Variants in SH3RF2 observed in about 807,000 individuals in gnomAD.
SH3RF2 encodes the protein SH3 domain containing ring finger 2.
SH3RF2 carries 43 observed loss-of-function variants against 59.0 expected under a neutral mutation model. That is an observed-to-expected ratio of 0.73 (90% CI 0.57 to 0.94). The LOEUF (loss-of-function observed/expected upper bound fraction) is 0.94, where lower values mean the gene tolerates loss of function less well. Ranked by LOEUF, SH3RF2 falls within the 40% of genes least tolerant of loss-of-function variation. The probability of loss-of-function intolerance (pLI) is 0.00; values close to 1 mark genes in which losing one functional copy is unlikely to be tolerated. For missense variants in SH3RF2, 930 were observed against 940.1 expected (o/e 0.99, Z 0.14); for synonymous variants, 391 against 391.5 (o/e 1.00, Z 0.01).
chr5:146,018,526 A>T (rs1761192962), intron 5 of SH3RF2, among the ~76,000 whole-genome samples: 1 of 151,802 alleles, frequency 6.6e-6, no homozygotes, highest in South Asian at 2.1e-4. Context: ...ACACACACAC[A>T]CACCACATTT....
intron 2 of SH3RF2, among the ~76,000 whole-genome samples, chr5:145,999,053 G>A (rs1760286402): frequency 6.6e-6 from 1 of 151,872 alleles, no homozygotes; most frequent in Non-Finnish European, 1.5e-5. Flanking sequence ...GATGATCTGA[G>A]CCTTCAGCAA....
Position 146,058,475 on chromosome 5 carries a change from C to G in SH3RF2, c.1556-1391C>G, listed in dbSNP as rs138715110. On this transcript the variant is annotated intron_variant, in intron 8 of 9. Coordinates refer to ENST00000359120, the MANE Select transcript of SH3RF2 (RefSeq NM_152550.4). ...TAGATGGTGACTGTCTTGCTTGCAG[C>G]AGCTGAGGACACCGACTGTGTTTAG... 1.4e-3 allele frequency among the ~76,000 whole-genome samples: 215 copies of G among 151,534 alleles called. 1 individual carries two copies. Among genetic ancestry groups the G allele is most frequent in the African/African-American group, 4.8e-3 (200 of 41,244 alleles).
intron 5 of SH3RF2, among the ~76,000 whole-genome samples, chr5:146,031,294 A>G (rs529715395): frequency 4.3e-4 from 66 of 152,306 alleles, no homozygotes; most frequent in Non-Finnish European, 7.6e-4. Flanking sequence ...TGCTCCCTCC[A>G]GGGTTAAGCC....
At chr5:145,985,225 T>C (rs1759655601) in intron 2 of SH3RF2, among the ~76,000 whole-genome samples, 1 of 152,230 alleles carries the variant, frequency 6.6e-6, no homozygotes, top group Non-Finnish European at 1.5e-5. Context: ...TCCCAGGGCT[T>C]GTGGTCTCCA....
At chr5:146,007,322 G>A (rs1318592393) in intron 4 of SH3RF2, among the ~76,000 whole-genome samples, 2 of 152,210 alleles carry the variant, frequency 1.3e-5, no homozygotes, top group African/African-American at 4.8e-5. Context: ...CCTTTCAGGA[G>A]GTAGAATCCA....
chr5:146,022,452 C>T (rs990334520), intron 5 of SH3RF2, among the ~76,000 whole-genome samples: 1 of 152,144 alleles, frequency 6.6e-6, no homozygotes, highest in Admixed American at 6.5e-5. Context: ...AGTGATCTGC[C>T]CACCTTGCCT....
In SH3RF2 at chr5:145,981,077, T is replaced by G. The variant is rs532314796; in HGVS notation, c.379-18981T>G. 5.9e-5 allele frequency among the ~76,000 whole-genome samples: 9 copies of G among 152,284 alleles called. No individual in the cohort carries two copies. The South Asian group carries it at 1.9e-3, about 32-fold the overall frequency. On this transcript the variant is annotated intron_variant, in intron 2 of 9. Transcript: ENST00000359120. The stretch of plus-strand genomic sequence containing the variant: ...TGTCATCGCATATGCAGTCAGTGTC[T>G]AAATTTCCTCAATTTTTTTTCTTTT...
At chr5:145,992,140 G>A (rs1478864904) in intron 2 of SH3RF2, among the ~76,000 whole-genome samples, 3 of 152,130 alleles carry the variant, frequency 2.0e-5, no homozygotes, top group African/African-American at 7.2e-5. Flanking sequence ...GGGAGGCCGA[G>A]GCAGGTGGAT....
At chr5:145,961,795 G>A (rs1195380455) in intron 2 of SH3RF2, among the ~76,000 whole-genome samples, 1 of 152,172 alleles carries the variant, frequency 6.6e-6, no homozygotes, top group African/African-American at 2.4e-5. Context: ...CTCTATTGTA[G>A]GAAGACCTTC....
intron 1 of SH3RF2, chr5:145,937,281 A>AC (rs1221319928): frequency 6.6e-6 from 1 of 152,226 alleles, no homozygotes; most frequent in African/African-American, 2.4e-5. Flanking sequence ...TTTTTCTTGT[A>AC]CATTGCTAGA....
rs145743177 is a variant in SH3RF2 at position 146,038,402 on chromosome 5, G to T, written c.1060-9370G>T. Among the ~76,000 whole-genome samples, 30 of 152,324 alleles carry T rather than the reference G, an allele frequency of 2.0e-4. No individual in the cohort carries two copies. In the East Asian group the frequency reaches 5.4e-3, roughly 27 times the overall value. ...AGAAATATAACTGTCATTATTTGCAGATGATACTATTGTCTATATAGAGAA... is the reference window on the plus strand; with the variant it reads ...AGAAATATAACTGTCATTATTTGCATATGATACTATTGTCTATATAGAGAA... On this transcript the variant is annotated intron_variant, in intron 5 of 9. Transcript: ENST00000359120.
chr5:146,068,540 T>A (rs114730276), intron 9 of SH3RF2, among the ~76,000 whole-genome samples: 1 of 152,220 alleles, frequency 6.6e-6, no homozygotes, highest in Non-Finnish European at 1.5e-5. Context: ...ACTTAGGGAA[T>A]GTGTTTGGCA....
exon 10 of SH3RF2, chr5:146,078,723 A>G (rs2150030727): frequency 6.6e-6 from 1 of 152,366 alleles, no homozygotes; most frequent in Non-Finnish European, 1.5e-5. Flanking sequence ...ATGTGCTGCT[A>G]CAGGTTACAC....
chr5:146,027,110 G>T (rs1375800019), intron 5 of SH3RF2, among the ~76,000 whole-genome samples: 2 of 152,208 alleles, frequency 1.3e-5, no homozygotes, highest in African/African-American at 2.4e-5. Flanking sequence ...AAGTGCAAAG[G>T]CTTCCAAAAG....
At chr5:146,059,439 C>G (rs1762801490) in intron 8 of SH3RF2, among the ~76,000 whole-genome samples, 1 of 152,112 alleles carries the variant, frequency 6.6e-6, no homozygotes, top group South Asian at 2.1e-4. Flanking sequence ...TCGGTTGCCT[C>G]TCCTTTGTGT....
At chr5:145,961,484 G>A (rs1377007309) in intron 2 of SH3RF2, among the ~76,000 whole-genome samples, 1 of 152,136 alleles carries the variant, frequency 6.6e-6, no homozygotes, top group Non-Finnish European at 1.5e-5. Context: ...GATAGGAAAC[G>A]ATTTCAGGAT....
chr5:146,010,711 C>T (rs1258555242), intron 4 of SH3RF2, among the ~76,000 whole-genome samples: 4 of 152,142 alleles, frequency 2.6e-5, no homozygotes, highest in African/African-American at 9.7e-5. Flanking sequence ...CTTTTGCCCA[C>T]TTGTTGATGG....
Position 146,056,044 on chromosome 5 carries a change from C to G in SH3RF2, c.1386C>G (p.Thr462=). The G allele has an allele frequency of 2.5e-6, 4 of 1,614,248 alleles. No homozygotes were observed. Among genetic ancestry groups the G allele is most frequent in the Non-Finnish European group, 3.4e-6 (4 of 1,180,052 alleles). Residue 462 remains threonine (T), a synonymous_variant, in exon 8 of 10, where the codon ACC becomes ACG. Transcript: ENST00000359120. ...TCTACACCACATGGACGTTATCCAC[C>G]TCCTCTGTGTCCTCCCAAGGCAGCA... ...PGLYTTWTLS[T]SSVSSQGSIS... is the part of the protein sequence containing the mutation.
Position 146,000,154 on chromosome 5 carries a change from G to A in SH3RF2, c.475G>A (p.Asp159Asn), listed in dbSNP as rs767319075. The A allele has an allele frequency of 2.5e-6, 4 of 1,614,008 alleles. No homozygotes were observed. Among genetic ancestry groups the A allele is most frequent in the South Asian group, 1.1e-5 (1 of 91,030 alleles). Residue 159 changes from aspartate to asparagine, a missense_variant, in exon 3 of 10, where the codon GAT becomes AAT. By Grantham distance (23) the Asp-to-Asn change is conservative. Coordinates refer to ENST00000359120, the MANE Select transcript of SH3RF2 (RefSeq NM_152550.4). ...GDIILLRRQL[D>N]ENWYQGEING... ...TATCATCCTTCTCCGGAGACAGCTT[G>A]ATGAGAATTGGTACCAGGGGGAAAT... is the stretch of plus-strand genomic sequence containing the variant.
Sources: gnomAD v4.1 joint callset for allele counts (sites outside exome capture counted in the v4.1 genomes callset) on GRCh38, gnomAD v4.1.1 for gene constraint, MANE v1.5 for transcripts, NCBI Gene and HGNC (gene_info 2026-07-23, HGNC 2026-07-21) for gene names.